MICAL2: variants seen among roughly 807,000 people sequenced by gnomAD.
MICAL2 encodes microtubule associated monooxygenase, calponin and LIM domain containing 2.
Under a neutral mutation model 127.3 loss-of-function variants are expected in MICAL2, and 77 were observed. The observed-to-expected ratio is 0.60, with a 90% CI of 0.50 to 0.73. MICAL2 has a LOEUF of 0.73. Among genes scored for constraint, MICAL2 ranks in the 30% least tolerant of loss-of-function variants. MICAL2 has a pLI of 0.00. For missense variants in MICAL2, 1,351 were observed against 1,434.4 expected (o/e 0.94, Z 0.94); for synonymous variants, 570 against 551.1 (o/e 1.03, Z -0.48).
intron 32 of MICAL2, among the ~76,000 whole-genome samples, chr11:12,344,226 G>A (rs1371508728): frequency 6.6e-6 from 1 of 152,078 alleles, no homozygotes; most frequent in African/African-American, 2.4e-5. Context: ...AACCGGGGAG[G>A]CAGAGGTTGC....
intron 29 of MICAL2, among the ~76,000 whole-genome samples, chr11:12,298,374 T>A (rs1337065737): frequency 6.6e-6 from 1 of 152,140 alleles, no homozygotes. Flanking sequence ...CTCTTTGTTA[T>A]AAAAGTTTTT....
intron 29 of MICAL2, among the ~76,000 whole-genome samples, chr11:12,314,985 G>A (rs1335904772): frequency 6.6e-6 from 1 of 151,976 alleles, no homozygotes; most frequent in Non-Finnish European, 1.5e-5. Flanking sequence ...TCTTAGATTG[G>A]TTTTCTTCTG....
intron 3 of MICAL2, among the ~76,000 whole-genome samples, chr11:12,190,049 A>G (rs1422960721): frequency 6.6e-6 from 1 of 152,314 alleles, no homozygotes; most frequent in Admixed American, 6.5e-5. Context: ...AAACCACTTT[A>G]TGGTGTAAGG....
chr11:12,348,492 C>T (rs1938992484), intron 32 of MICAL2, among the ~76,000 whole-genome samples: 1 of 152,276 alleles, frequency 6.6e-6, no homozygotes, highest in African/African-American at 2.4e-5. Context: ...AACTAGTCCT[C>T]CATAAATACT....
chr11:12,336,060 T>C (rs1938751602), intron 32 of MICAL2, among the ~76,000 whole-genome samples: 2 of 152,154 alleles, frequency 1.3e-5, no homozygotes. Context: ...GCCATTCTCA[T>C]GATATTGATT....
intron 33 of MICAL2, among the ~76,000 whole-genome samples, chr11:12,354,386 C>T (rs1394722834): frequency 3.3e-5 from 5 of 151,924 alleles, no homozygotes; most frequent in South Asian, 2.1e-4. Flanking sequence ...GCAGGAAAAT[C>T]GCTTGAACCT....
At chr11:12,357,149 C>G (rs1371212864) in intron 34 of MICAL2, among the ~76,000 whole-genome samples, 2 of 152,206 alleles carry the variant, frequency 1.3e-5, no homozygotes, top group Non-Finnish European at 2.9e-5. Context: ...GACCTCAGAG[C>G]TAAGCCTGAT....
intron 3 of MICAL2, among the ~76,000 whole-genome samples, chr11:12,183,359 A>T (rs1335325262): frequency 6.6e-6 from 1 of 152,142 alleles, no homozygotes; most frequent in Non-Finnish European, 1.5e-5. Flanking sequence ...TGCATTGCTC[A>T]TTAAAATGAT....
chr11:12,269,928 GC>G (rs1336251056), intron 24 of MICAL2, among the ~76,000 whole-genome samples: 1 of 152,210 alleles, frequency 6.6e-6, no homozygotes, highest in African/African-American at 2.4e-5. Flanking sequence ...GCCGAAGATT[GC>G]CCATCAATTG....
chr11:12,208,595 A>G (rs546742599), intron 5 of MICAL2, among the ~76,000 whole-genome samples: 62 of 152,382 alleles, frequency 4.1e-4, no homozygotes, highest in African/African-American at 1.4e-3. Context: ...TATTTGGTAT[A>G]TAATACTCTT....
chr11:12,242,060 G>A, intron 18 of MICAL2, 154 bp from the exon 19 acceptor site: 1 of 603,894 alleles, frequency 1.7e-6, no homozygotes, highest in East Asian at 2.9e-5. Context: ...TGATGCAGGT[G>A]GTGGAGAGTC....
At chr11:12,150,376 G>A (rs555670808) in intron 2 of MICAL2, among the ~76,000 whole-genome samples, 7 of 152,110 alleles carry the variant, frequency 4.6e-5, no homozygotes, top group South Asian at 2.1e-4. Context: ...GCAGTGAGCC[G>A]TGACCGTACC....
At chr11:12,234,721 TGATGAA>T (rs1858783527) in intron 15 of MICAL2, among the ~76,000 whole-genome samples, 1 of 152,074 alleles carries the variant, frequency 6.6e-6, no homozygotes. Context: ...GGGCAGGGGA[TGATGAA>T]GAGGACAAGA....
In MICAL2 at chr11:12,222,746, A is replaced by C; in HGVS notation, c.1449+3A>C. 6.2e-7 allele frequency: 1 copy of C among 1,614,158 alleles called. No individual in the cohort carries two copies. The highest frequency in any genetic ancestry group is 8.5e-7 in the Non-Finnish European group (1 of 1,180,028). ...CACACTGTGTCAGGCCCCATCAGGC[A>C]AGTCCATTGCTGGGGCTCTGTCTGA... On this transcript the variant is annotated splice_donor_region_variant and intron_variant, in intron 11 of 27. Transcript: ENST00000683283.
chr11:12,199,229 C>A (rs531856262), intron 3 of MICAL2, among the ~76,000 whole-genome samples: 1 of 152,298 alleles, frequency 6.6e-6, no homozygotes, highest in East Asian at 1.9e-4. Context: ...TGGGGATGAT[C>A]ATAACACTTT....
At chr11:12,138,030 T>C (rs528777283) in intron 1 of MICAL2, among the ~76,000 whole-genome samples, 1 of 152,376 alleles carries the variant, frequency 6.6e-6, no homozygotes, top group Non-Finnish European at 1.5e-5. Context: ...TTTACTTTCA[T>C]TGTGTCTCAC....
At chr11:12,115,741 T>C (rs980745708) in intron 1 of MICAL2, among the ~76,000 whole-genome samples, 24 of 152,182 alleles carry the variant, frequency 1.6e-4, no homozygotes, top group African/African-American at 5.5e-4. Context: ...AAATTTTTTG[T>C]AGGACAAATA....
At chr11:12,129,796 C>A (rs2133542568) in intron 1 of MICAL2, among the ~76,000 whole-genome samples, 1 of 152,198 alleles carries the variant, frequency 6.6e-6, no homozygotes, top group East Asian at 1.9e-4. Context: ...CAGCCTCAAC[C>A]TCCTGGGCCC....
chr11:12,159,224 G>A (rs1388204661), intron 2 of MICAL2, among the ~76,000 whole-genome samples: 1 of 152,222 alleles, frequency 6.6e-6, no homozygotes, highest in Admixed American at 6.5e-5. Flanking sequence ...TCTTCTAGGG[G>A]AGGAGGGGTG....
Sources: gnomAD v4.1 joint callset for allele counts (sites outside exome capture counted in the v4.1 genomes callset) on GRCh38, gnomAD v4.1.1 for gene constraint, MANE v1.5 for transcripts, NCBI Gene and HGNC (gene_info 2026-07-23, HGNC 2026-07-21) for gene names.